Variants in ADCY9 observed in about 807,000 individuals in gnomAD.
ADCY9 encodes adenylate cyclase 9, also known as adenylate cyclase type 9.
Under a neutral mutation model 101.5 loss-of-function variants are expected in ADCY9, and 50 were observed. The ratio of observed to expected loss-of-function variants is 0.49; its 90% CI spans 0.39 to 0.62. ADCY9 has a LOEUF of 0.62. Among genes scored for constraint, ADCY9 ranks in the 20% least tolerant of loss-of-function variants. The probability of loss-of-function intolerance (pLI) is 0.00; values close to 1 mark genes in which losing one functional copy is unlikely to be tolerated. For missense variants in ADCY9, 1,662 were observed against 1,800.4 expected (o/e 0.92, Z 1.39); for synonymous variants, 905 against 769.3 (o/e 1.18, Z -2.92).
intron 2 of ADCY9, among the ~76,000 whole-genome samples, chr16:4,098,977 G>A (rs1390601325): frequency 6.6e-6 from 1 of 152,084 alleles, no homozygotes; most frequent in African/African-American, 2.4e-5. Context: ...GTGTCACCCA[G>A]GCTGGAGTGC....
intron 2 of ADCY9, among the ~76,000 whole-genome samples, chr16:4,061,324 T>C (rs1471848519): frequency 6.6e-6 from 1 of 152,142 alleles, no homozygotes; most frequent in Non-Finnish European, 1.5e-5. Flanking sequence ...ACTTCTCACA[T>C]TTGATTTTAA....
intron 2 of ADCY9, among the ~76,000 whole-genome samples, chr16:4,082,370 C>G (rs2056908882): frequency 6.6e-6 from 1 of 152,112 alleles, no homozygotes; most frequent in African/African-American, 2.4e-5. Context: ...GAACAGGACC[C>G]TGTCTCAAAA....
chr16:4,112,003 C>T (rs1026389164), intron 2 of ADCY9, among the ~76,000 whole-genome samples: 1 of 152,156 alleles, frequency 6.6e-6, no homozygotes, highest in East Asian at 1.9e-4. Flanking sequence ...TCGAGTAATA[C>T]AGCATACAAA....
At chr16:4,013,546 T>G (rs1269966925) in intron 2 of ADCY9, among the ~76,000 whole-genome samples, 5 of 152,238 alleles carry the variant, frequency 3.3e-5, no homozygotes, top group Non-Finnish European at 5.9e-5. Flanking sequence ...AACAAATGCC[T>G]AGAAGCTTAC....
chr16:4,082,620 A>G (rs2056910699), intron 2 of ADCY9, among the ~76,000 whole-genome samples: 1 of 151,112 alleles, frequency 6.6e-6, no homozygotes, highest in Admixed American at 6.6e-5. Context: ...GCACGCACAC[A>G]CACATGCAGG....
chr16:4,009,400 C>A (rs73490533), intron 2 of ADCY9, among the ~76,000 whole-genome samples: 1 of 152,096 alleles, frequency 6.6e-6, no homozygotes, highest in Non-Finnish European at 1.5e-5. Flanking sequence ...GGACTACAAA[C>A]GTCCGCCACT....
chr16:4,064,407 T>C (rs1455137614), intron 2 of ADCY9, among the ~76,000 whole-genome samples: 1 of 152,244 alleles, frequency 6.6e-6, no homozygotes, highest in East Asian at 1.9e-4. Context: ...GGGTAACGTG[T>C]ACCTGAGAGT....
intron 8 of ADCY9, among the ~76,000 whole-genome samples, chr16:3,978,338 G>A (rs991826117): frequency 3.1e-4 from 47 of 152,292 alleles, no homozygotes; most frequent in African/African-American, 1.1e-3. Context: ...CAGCCCGCCC[G>A]GAAGCTCATG....
At chr16:4,019,374 C>T (rs2056459835) in intron 2 of ADCY9, among the ~76,000 whole-genome samples, 1 of 152,172 alleles carries the variant, frequency 6.6e-6, no homozygotes, top group South Asian at 2.1e-4. Context: ...CCAGGCTGGG[C>T]GATTTGTTCT....
chr16:3,956,478 G>C (rs1407180024), intron 5 of ADCY9, among the ~76,000 whole-genome samples: 1 of 55,210 alleles, frequency 1.8e-5, no homozygotes, highest in Admixed American at 1.7e-4. Flanking sequence ...CAAGACACCA[G>C]CGCAATGAGC....
rs566859049 is a variant in ADCY9 at position 3,997,729 on chromosome 16, G to A, written c.1885-4219C>T. Among the ~76,000 whole-genome samples the A allele has an allele frequency of 9.2e-5, 14 of 152,318 alleles. No homozygotes were observed. The South Asian group carries it at 1.0e-3, about 11-fold the overall frequency. The stretch of plus-strand genomic sequence containing the variant: ...GAGAGCCAGGTGCAGACTCCAGGCC[G>A]CGCTGGGTGGCATGGTCCCACAGAC... On this transcript the variant is annotated intron_variant, in intron 3 of 10. Transcript: ENST00000294016.
In ADCY9 at chr16:3,974,659, A is replaced by G; in HGVS notation, c.2870+10T>C. ...TTTATTCAGACAGAAGTGCAATATT[A>G]AAAGCTTACCTGAAATTCTGTACTG... On this transcript the variant is annotated intron_variant, in intron 10 of 10. Coordinates refer to ENST00000294016, the MANE Select transcript of ADCY9 (RefSeq NM_001116.4). 2 of 1,609,740 alleles carry G rather than the reference A, an allele frequency of 1.2e-6. No homozygotes were observed. Among genetic ancestry groups the G allele is most frequent in the Non-Finnish European group, 8.5e-7 (1 of 1,176,318 alleles).
At chr16:4,080,549 G>A (rs985081799) in intron 2 of ADCY9, among the ~76,000 whole-genome samples, 5 of 152,000 alleles carry the variant, frequency 3.3e-5, no homozygotes, top group African/African-American at 4.8e-5. Context: ...ATGACCCACC[G>A]TTCCCAGCCC....
intron 3 of ADCY9, among the ~76,000 whole-genome samples, chr16:4,004,787 C>T (rs923512403): frequency 6.6e-6 from 1 of 152,120 alleles, no homozygotes; most frequent in Non-Finnish European, 1.5e-5. Flanking sequence ...GAGGGAACAG[C>T]GTTATCAGCT....
At position 4,088,213 on chromosome 16, in the gene ADCY9, C is replaced by A. The variant is rs528330316; in HGVS notation, c.1693+25537G>T. Among the ~76,000 whole-genome samples, 15 of 152,198 alleles carry A rather than the reference C, an allele frequency of 9.9e-5. No individual in the cohort carries two copies. In the South Asian group the frequency reaches 3.1e-3, roughly 32 times the overall value. Reference sequence around the variant, plus strand: ...TTAATACACTGGCACCTGCTTTATACATCGGTCTCATGGTCAGCATGAATC... The same window carrying A: ...TTAATACACTGGCACCTGCTTTATAAATCGGTCTCATGGTCAGCATGAATC... On this transcript the variant is annotated intron_variant, in intron 2 of 10. Transcript: ENST00000294016.
intron 2 of ADCY9, among the ~76,000 whole-genome samples, chr16:4,097,710 C>T (rs2057017587): frequency 6.6e-6 from 1 of 150,960 alleles, no homozygotes; most frequent in Admixed American, 6.6e-5. Context: ...CCATGCCCAG[C>T]TGATTTTTGT....
chr16:3,996,695 C>T (rs990342868), intron 3 of ADCY9, among the ~76,000 whole-genome samples: 1 of 152,350 alleles, frequency 6.6e-6, no homozygotes, highest in Middle Eastern at 3.4e-3. Context: ...GTTAACTATG[C>T]TCTCTGGTCA....
At chr16:4,021,504 A>G (rs1039464151) in intron 2 of ADCY9, among the ~76,000 whole-genome samples, 5 of 152,000 alleles carry the variant, frequency 3.3e-5, no homozygotes, top group Non-Finnish European at 5.9e-5. Context: ...CTCACCATCT[A>G]CCGGCACCAA....
intron 9 of ADCY9, among the ~76,000 whole-genome samples, chr16:3,975,715 A>G (rs780014350): frequency 3.9e-5 from 6 of 152,210 alleles, no homozygotes; most frequent in Non-Finnish European, 7.3e-5. Context: ...GCGCACCTAA[A>G]CCCTCTGTAA....
Sources: gnomAD v4.1 joint callset for allele counts (sites outside exome capture counted in the v4.1 genomes callset) on GRCh38, gnomAD v4.1.1 for gene constraint, MANE v1.5 for transcripts, NCBI Gene and HGNC (gene_info 2026-07-23, HGNC 2026-07-21) for gene names.